Variants in TIMM23B observed in about 807,000 individuals in gnomAD.
The protein encoded by TIMM23B is mitochondrial import inner membrane translocase subunit Tim23B.
TIMM23B carries 27 observed loss-of-function variants against 27.3 expected under a neutral mutation model. The observed-to-expected ratio is 0.99, with a 90% CI of 0.73 to 1.36. The LOEUF is 1.36. Ranked by LOEUF, TIMM23B falls within the 40% of genes most tolerant of loss-of-function variation. TIMM23B has a pLI of 0.00. For synonymous variants in TIMM23B, 73 were observed against 92.4 expected (o/e 0.79, Z 1.21); for missense variants, 205 against 244.2 (o/e 0.84, Z 1.07).
chr10:49,952,141 A>G lies in TIMM23B; in HGVS notation c.181A>G (p.Ile61Val), dbSNP rs1217490540. The G allele has an allele frequency of 2.5e-6, 4 of 1,602,102 alleles. No homozygotes were observed. Among genetic ancestry groups the G allele is most frequent in the Non-Finnish European group, 3.4e-6 (4 of 1,169,066 alleles). Residue 61 changes from isoleucine to valine, a missense_variant, in exon 3 of 7, where the codon ATT becomes GTT. Ile to Val is a conservative substitution (Grantham distance 29). Coordinates refer to ENST00000651259, the MANE Select transcript of TIMM23B (RefSeq NM_001290117.2). ...ATCCTTTTAGGATACAGATGAGTTC[A>G]TTTTACCTACCGGAGCTAATAAAAC... ...RYLVQDTDEFILPTGANKTWG... is the reference protein window; with the variant it reads ...RYLVQDTDEFVLPTGANKTWG...
chr10:49,958,495 A>C lies in TIMM23B; in HGVS notation c.514+15A>C, dbSNP rs1158309519. On this transcript the variant is annotated intron_variant, in intron 6 of 6. Coordinates refer to ENST00000651259, the MANE Select transcript of TIMM23B (RefSeq NM_001290117.2). ...TAAATGTACAGGTGAGTACTGTTGA[A>C]TGGGGAGCCATCTCTTAATATACTT... 14 of 1,607,174 alleles carry C rather than the reference A, an allele frequency of 8.7e-6. No homozygotes were observed. The Admixed American group carries it at 2.3e-4, about 27-fold the overall frequency.
intron 1 of TIMM23B, among the ~76,000 whole-genome samples, chr10:49,944,427 G>T (rs1469980395): frequency 1.3e-5 from 2 of 152,040 alleles, no homozygotes; most frequent in Admixed American, 1.3e-4. Flanking sequence ...ATCCAAAGAT[G>T]ATAGGTTTTA....
chr10:49,970,716 G>A (rs1169024519), intron 6 of TIMM23B, among the ~76,000 whole-genome samples: 1 of 126,258 alleles, frequency 7.9e-6, no homozygotes, highest in East Asian at 2.5e-4. Flanking sequence ...GAGGTGGGGG[G>A]CGCCTCTGCC....
Position 49,959,744 on chromosome 10 carries a change from A to AT in TIMM23B, c.514+1277dup, listed in dbSNP as rs71258795. Among the ~76,000 whole-genome samples the AT allele has an allele frequency of 1.9e-3, 268 of 144,602 alleles. No homozygotes were observed. The East Asian group carries it at 0.021, about 11-fold the overall frequency. The allele number at this position is 144,602 out of a possible 152,430, so 94.9% of individuals were successfully genotyped here. On this transcript the variant is annotated intron_variant, in intron 6 of 6. Coordinates refer to ENST00000651259, the MANE Select transcript of TIMM23B (RefSeq NM_001290117.2). The stretch of plus-strand genomic sequence containing the variant: ...TCCCTTTTCCCAAAGGCAACTTTTA[A>AT]TTTTTTTTTTTTTCTTTCTTTTTTG...
chr10:49,965,895 C>CT (rs1554855346), intron 6 of TIMM23B, among the ~76,000 whole-genome samples: 18 of 145,738 alleles, frequency 1.2e-4, no homozygotes, highest in East Asian at 6.2e-4. Context: ...CGCACTCCAG[C>CT]CTGGGCAATA....
rs1589033463 is a variant in TIMM23B at position 49,952,681 on chromosome 10, G to A, written c.344+148G>A. ...TTTTTTAATCTTAATCAAAATAAAA[G>A]CAACTAAGGAATCAGATTACTGACT... On this transcript the variant is annotated intron_variant, in intron 4 of 6. Coordinates refer to ENST00000651259, the MANE Select transcript of TIMM23B (RefSeq NM_001290117.2). The A allele has an allele frequency of 4.1e-6, 4 of 976,144 alleles. No individual in the cohort carries two copies. In the East Asian group the frequency reaches 1.1e-4, roughly 27 times the overall value. 60.5% of individuals were successfully genotyped at this position (976,144 alleles called of 1,614,324 possible). A position where few individuals can be genotyped will look rare whatever the true frequency, so the allele number is the denominator to read the frequency against.
chr10:49,948,244 T>C (rs1163899012), intron 2 of TIMM23B, among the ~76,000 whole-genome samples: 69 of 152,218 alleles, frequency 4.5e-4, no homozygotes, highest in African/African-American at 1.6e-3. Context: ...TGTAGAGAAA[T>C]TGGACCTCTG....
chr10:49,946,648 T>C (rs1441463860), intron 2 of TIMM23B, among the ~76,000 whole-genome samples: 3 of 150,018 alleles, frequency 2.0e-5, no homozygotes, highest in East Asian at 1.9e-4. Context: ...GCAAAACATA[T>C]TCTGAAAACT....
Position 49,952,255 on chromosome 10 carries a change from G to A in TIMM23B, c.259+36G>A. 4 of 1,568,286 alleles carry A rather than the reference G, an allele frequency of 2.6e-6. No individual in the cohort carries two copies. The South Asian group carries it at 4.4e-5, about 17-fold the overall frequency. Reference sequence around the variant, plus strand: ...CATACTTTTTTCTCAAGAGTGCTCAGTTCAAGTAGTTGAGGGTGCGTAAAA... The same window carrying A: ...CATACTTTTTTCTCAAGAGTGCTCAATTCAAGTAGTTGAGGGTGCGTAAAA... On this transcript the variant is annotated intron_variant, in intron 3 of 6. Transcript: ENST00000651259.
intron 2 of TIMM23B, among the ~76,000 whole-genome samples, chr10:49,949,650 A>T (rs1589030814): frequency 6.6e-6 from 1 of 151,234 alleles, no homozygotes; most frequent in East Asian, 1.9e-4. Flanking sequence ...TTCCATTGGA[A>T]TTCTAGAGGG....
At chr10:49,959,802 G>A (rs1241005680) in intron 6 of TIMM23B, among the ~76,000 whole-genome samples, 46 of 151,692 alleles carry the variant, frequency 3.0e-4, no homozygotes, top group Admixed American at 2.2e-3. Flanking sequence ...AGGCTGGAGT[G>A]CAGTGGCATG....
At chr10:49,968,875 C>A (rs1554855948) in intron 6 of TIMM23B, among the ~76,000 whole-genome samples, 2 of 152,142 alleles carry the variant, frequency 1.3e-5, no homozygotes, top group African/African-American at 4.8e-5. Flanking sequence ...ATATTTGTCA[C>A]TAGCTGTATG....
At chr10:49,950,903 T>TCA (rs1475252899) in intron 2 of TIMM23B, among the ~76,000 whole-genome samples, 2 of 152,348 alleles carry the variant, frequency 1.3e-5, no homozygotes, top group South Asian at 2.1e-4. Flanking sequence ...TTTTTTCTTC[T>TCA]CAGCAACCAT....
chr10:49,952,402 T>TC, intron 3 of TIMM23B, 47 bp from the exon 4 acceptor site: 2 of 1,583,558 alleles, frequency 1.3e-6, no homozygotes, highest in Non-Finnish European at 1.7e-6. Context: ...AGGTTTTTTT[T>TC]TTAATATAAA....
In TIMM23B at chr10:49,942,107, G is replaced by A. The variant is rs1275533005; in HGVS notation, c.-88G>A. The A allele has an allele frequency of 6.3e-6, 9 of 1,438,666 alleles. No homozygotes were observed. Among genetic ancestry groups the A allele is most frequent in the Admixed American group, 2.5e-5 (1 of 40,548 alleles). The allele number at this position is 1,438,666 out of a possible 1,614,324, so 89.1% of individuals were successfully genotyped here. A position where few individuals can be genotyped will look rare whatever the true frequency, so the allele number is the denominator to read the frequency against. On this transcript the variant is annotated 5_prime_UTR_variant, in exon 1 of 7. Transcript: ENST00000651259. ...TGTGAAGTAGGCGCTGGCAACGCGGGGTTACCCGCTGTTATTGAGGAGTAA... is the reference window on the plus strand; with the variant it reads ...TGTGAAGTAGGCGCTGGCAACGCGGAGTTACCCGCTGTTATTGAGGAGTAA...
At position 49,945,091 on chromosome 10, in the gene TIMM23B, G is replaced by A. The variant is rs1169766951; in HGVS notation, c.165+1G>A. ...TGTGGATCCACGATACCTCGTGCAG[G>A]TAAGACTAAGATTTTACTAGTTTGG... On this transcript the variant is annotated splice_donor_variant, in intron 2 of 6. Transcript: ENST00000651259. LOFTEE classifies it high-confidence loss of function. 2 of 1,610,910 alleles carry A rather than the reference G, an allele frequency of 1.2e-6. No individual in the cohort carries two copies. The highest frequency in any genetic ancestry group is 1.7e-6 in the Non-Finnish European group (2 of 1,178,132).
chr10:49,955,254 A>G (rs1312123241), intron 5 of TIMM23B, among the ~76,000 whole-genome samples, 194 bp downstream of exon 5: 1 of 152,262 alleles, frequency 6.6e-6, no homozygotes, highest in Admixed American at 6.5e-5. Flanking sequence ...TCAGGTGCTG[A>G]TACCATTCTG....
chr10:49,948,279 T>C (rs1421592628), intron 2 of TIMM23B, among the ~76,000 whole-genome samples: 2 of 152,168 alleles, frequency 1.3e-5, no homozygotes, highest in African/African-American at 2.4e-5. Flanking sequence ...GAATGTAAAA[T>C]GATACAGCTG....
At chr10:49,964,718 G>A (rs1840059743) in intron 6 of TIMM23B, among the ~76,000 whole-genome samples, 1 of 151,748 alleles carries the variant, frequency 6.6e-6, no homozygotes. Flanking sequence ...GTGATAGAGC[G>A]AGTCTCTGTC....
Sources: allele counts gnomAD v4.1 joint callset (sites outside exome capture counted in the v4.1 genomes callset), GRCh38; gene constraint gnomAD v4.1.1; transcripts MANE v1.5; gene names NCBI Gene and HGNC (gene_info 2026-07-23, HGNC 2026-07-21).